The following VIT variants were observed in gnomAD, a reference collection of about 807,000 sequenced individuals.
The protein encoded by VIT is vitrin.
A neutral mutation model predicts 78.0 loss-of-function variants in VIT; 99 were observed. That is an observed-to-expected ratio of 1.27 (90% CI 1.08 to 1.50). VIT has a LOEUF of 1.50. VIT is among the 40% of genes most tolerant of loss of function. The pLI is 0.00. For missense variants in VIT, 1,126 were observed against 875.3 expected (o/e 1.29, Z -3.61); for synonymous variants, 374 against 334.3 (o/e 1.12, Z -1.29).
chr2:36,773,471 G>A (rs898401374), intron 7 of VIT, among the ~76,000 whole-genome samples: 1 of 152,118 alleles, frequency 6.6e-6, no homozygotes, highest in Admixed American at 6.5e-5. Context: ...TTGGCCGGGT[G>A]TGGTGGCTCA....
At chr2:36,760,517 G>T (rs1186669812) in intron 6 of VIT, among the ~76,000 whole-genome samples, 1 of 152,268 alleles carries the variant, frequency 6.6e-6, no homozygotes, top group South Asian at 2.1e-4. Flanking sequence ...AGTGGGTCTG[G>T]TGCCTCGTGG....
chr2:36,767,123 C>T lies in VIT; in HGVS notation c.517C>T (p.Pro173Ser). 6.2e-7 allele frequency: 1 copy of T among 1,604,792 alleles called. No individual in the cohort carries two copies. The highest frequency in any genetic ancestry group is 8.5e-7 in the Non-Finnish European group (1 of 1,176,194). ...GACCACAAAAGCCTATCAGAGGCCA[C>T]CTATTCCAGGGACAACTGCACAGCC... ...GETTKAYQRPPIPGTTAQPVT... is the reference protein window; with the variant it reads ...GETTKAYQRPSIPGTTAQPVT... Residue 173 changes from proline (P) to serine (S), a missense_variant, in exon 7 of 16, where the codon CCT becomes TCT. By Grantham distance (74) the Pro-to-Ser change is moderately conservative. Coordinates refer to ENST00000379242, the MANE Select transcript of VIT (RefSeq NM_053276.4).
Position 36,808,751 on chromosome 2 carries a change from G to A in VIT, c.1669G>A (p.Glu557Lys), listed in dbSNP as rs776323615. The change falls in exon 15 of 16, where the codon GAA (glutamate) becomes AAA (lysine). Residue 557 changes from glutamate (E) to lysine (K), a missense_variant. By Grantham distance (56) the Glu-to-Lys change is moderately conservative. Coordinates refer to ENST00000379242, the MANE Select transcript of VIT (RefSeq NM_053276.4). ...CATCGGGGCCGTGCAGTACACCTAC[G>A]AACAGCGGCTGGAGTTTGGGTTCGA... The part of the protein sequence containing the change: ...TRIGAVQYTY[E>K]QRLEFGFDKY... The A allele has an allele frequency of 8.7e-6, 14 of 1,614,082 alleles. No homozygotes were observed. The highest frequency in any genetic ancestry group is 2.2e-5 in the South Asian group (2 of 91,078).
At chr2:36,798,503 T>A (rs1666071668) in intron 12 of VIT, among the ~76,000 whole-genome samples, 1 of 152,192 alleles carries the variant, frequency 6.6e-6, no homozygotes, top group Non-Finnish European at 1.5e-5. Context: ...ATGCCTGTAA[T>A]CCCAGCACTT....
chr2:36,808,531 C>A lies in VIT; in HGVS notation c.1449C>A (p.His483Gln), dbSNP rs764405413. The change falls in exon 15 of 16, where the codon CAC becomes CAA. Residue 483 changes from histidine (H) to glutamine (Q), a missense_variant. By Grantham distance (24) the His-to-Gln change is conservative. Transcript: ENST00000379242. Reference sequence around the variant, plus strand: ...ACGTGCAGAGCTGGTTTGGCCTCCACAAGACCCTGCAGCCTCTGGTGAAGC... The same window carrying A: ...ACGTGCAGAGCTGGTTTGGCCTCCAAAAGACCCTGCAGCCTCTGGTGAAGC... ...SLHVQSWFGL[H>Q]KTLQPLVKRV... 1.9e-6 allele frequency: 3 copies of A among 1,614,004 alleles called. No homozygotes were observed. Among genetic ancestry groups the A allele is most frequent in the South Asian group, 2.2e-5 (2 of 91,080 alleles).
At chr2:36,794,763 A>G (rs1394084797) in intron 12 of VIT, among the ~76,000 whole-genome samples, 1 of 152,194 alleles carries the variant, frequency 6.6e-6, no homozygotes, top group Admixed American at 6.5e-5. Context: ...CTCTGATCCA[A>G]CCTTTCGATC....
chr2:36,806,015 C>G (rs1385744749), intron 14 of VIT, among the ~76,000 whole-genome samples: 1 of 151,994 alleles, frequency 6.6e-6, no homozygotes, highest in South Asian at 2.1e-4. Flanking sequence ...CACACACACG[C>G]ACACACACAC....
intron 1 of VIT, among the ~76,000 whole-genome samples, chr2:36,705,660 A>G (rs908949340): frequency 3.3e-5 from 5 of 152,180 alleles, no homozygotes; most frequent in African/African-American, 1.2e-4. Flanking sequence ...ATTTTCTCTA[A>G]CTATTGGTGG....
At chr2:36,768,489 G>A (rs529295936) in intron 7 of VIT, among the ~76,000 whole-genome samples, 20 of 152,182 alleles carry the variant, frequency 1.3e-4, no homozygotes, top group Non-Finnish European at 2.9e-4. Flanking sequence ...CCCATCTTCT[G>A]AACACCTTAC....
intron 6 of VIT, among the ~76,000 whole-genome samples, chr2:36,761,055 A>G (rs1445377803): frequency 6.6e-6 from 1 of 151,942 alleles, no homozygotes; most frequent in African/African-American, 2.4e-5. Context: ...TATTTTTACC[A>G]TGAGTGGAAG....
At chr2:36,703,164 C>T (rs1665172613) in intron 1 of VIT, among the ~76,000 whole-genome samples, 2 of 152,210 alleles carry the variant, frequency 1.3e-5, no homozygotes, top group Non-Finnish European at 2.9e-5. Context: ...GCTCTCTTTT[C>T]AAAGGAGCTG....
At chr2:36,716,304 C>T in intron 1 of VIT, 49 bp from the exon 2 acceptor site, 1 of 1,540,542 alleles carries the variant, frequency 6.5e-7, no homozygotes, top group Non-Finnish European at 9.0e-7. Flanking sequence ...GCATCCAAAT[C>T]AGAACCCCCG....
chr2:36,781,676 G>T (rs1244222391), intron 9 of VIT, 51 bp from the exon 10 acceptor site: 3 of 1,597,802 alleles, frequency 1.9e-6, no homozygotes, highest in Non-Finnish European at 2.6e-6. Flanking sequence ...AAGAGTTTCT[G>T]CTGGTTTGGT....
At chr2:36,772,349 C>T (rs764067761) in intron 7 of VIT, among the ~76,000 whole-genome samples, 15 of 152,188 alleles carry the variant, frequency 9.9e-5, no homozygotes, top group African/African-American at 1.7e-4. Flanking sequence ...CCAGCCTGAC[C>T]GACATGGAGA....
At chr2:36,712,832 CTCAA>C (rs573421117) in intron 1 of VIT, among the ~76,000 whole-genome samples, 38 of 152,350 alleles carry the variant, frequency 2.5e-4, no homozygotes, top group Non-Finnish European at 5.0e-4. Context: ...GAGACTCCGT[CTCAA>C]TCAATCAATC....
At chr2:36,774,810 C>T in intron 8 of VIT, 192 bp from the exon 9 acceptor site, 2 of 985,422 alleles carry the variant, frequency 2.0e-6, no homozygotes, top group Non-Finnish European at 2.4e-6. Context: ...CCATGGAGCA[C>T]TGTTTCCTCC....
chr2:36,765,261 G>A (rs987842075), intron 6 of VIT, among the ~76,000 whole-genome samples: 5 of 152,028 alleles, frequency 3.3e-5, no homozygotes, highest in South Asian at 2.1e-4. Flanking sequence ...GTATTAGTTC[G>A]TTCTCACACT....
chr2:36,779,667 A>G (rs965913200), intron 9 of VIT, among the ~76,000 whole-genome samples: 14 of 152,054 alleles, frequency 9.2e-5, no homozygotes, highest in Non-Finnish European at 1.9e-4. Flanking sequence ...GCTGTTCCCC[A>G]CCATGTGTTC....
chr2:36,757,709 A>C (rs1668852960), intron 5 of VIT, among the ~76,000 whole-genome samples: 1 of 152,224 alleles, frequency 6.6e-6, no homozygotes, highest in Non-Finnish European at 1.5e-5. Flanking sequence ...GTAACACCAG[A>C]AGAAATTTTT....
Sources: allele counts gnomAD v4.1 joint callset (sites outside exome capture counted in the v4.1 genomes callset), GRCh38; gene constraint gnomAD v4.1.1; transcripts MANE v1.5; gene names NCBI Gene and HGNC (gene_info 2026-07-23, HGNC 2026-07-21).